SDK1: variants seen among roughly 807,000 people sequenced by gnomAD.
The protein encoded by SDK1 is protein sidekick-1.
SDK1 carries 157 observed loss-of-function variants against 245.5 expected under a neutral mutation model. The ratio of observed to expected loss-of-function variants is 0.64; its 90% CI spans 0.56 to 0.73. The LOEUF is 0.73. Ranked by LOEUF, SDK1 falls within the 30% of genes least tolerant of loss-of-function variation. The pLI is 0.00. For synonymous variants in SDK1, 1,647 were observed against 1,278.5 expected (o/e 1.29, Z -6.15); for missense variants, 3,583 against 3,002.3 (o/e 1.19, Z -4.52).
chr7:3,969,648 G>A (rs1333140018), intron 11 of SDK1, among the ~76,000 whole-genome samples: 1 of 152,176 alleles, frequency 6.6e-6, no homozygotes, highest in Non-Finnish European at 1.5e-5. Flanking sequence ...GGCATTGCAG[G>A]AGAGACGAAA....
chr7:3,401,690 T>C (rs2128573574), intron 1 of SDK1, among the ~76,000 whole-genome samples: 1 of 139,748 alleles, frequency 7.2e-6, no homozygotes, highest in Non-Finnish European at 1.6e-5. Flanking sequence ...CTGAGCCTTA[T>C]TTTTTTTTTT....
chr7:4,169,959 G>A (rs999733128), intron 32 of SDK1, among the ~76,000 whole-genome samples: 2 of 152,136 alleles, frequency 1.3e-5, no homozygotes, highest in Non-Finnish European at 2.9e-5. Context: ...ACTTCCTTGG[G>A]GCTCAGTACA....
At chr7:3,958,011 A>T (rs1310927040) in intron 7 of SDK1, 1 of 470,670 alleles carries the variant, frequency 2.1e-6, no homozygotes, top group Non-Finnish European at 4.4e-6. Context: ...TGAAATGCTT[A>T]GTTTTCATTT....
At chr7:4,257,831 T>A (rs1787724009) in intron 44 of SDK1, among the ~76,000 whole-genome samples, 1 of 152,214 alleles carries the variant, frequency 6.6e-6, no homozygotes, top group African/African-American at 2.4e-5. Context: ...CCCTTCCAGC[T>A]GCATTGTGAA....
At chr7:3,554,178 G>T in intron 1 of SDK1, among the ~76,000 whole-genome samples, 1 of 152,130 alleles carries the variant, frequency 6.6e-6, no homozygotes, top group East Asian at 1.9e-4. Flanking sequence ...GAATTCGTGG[G>T]ACATTCACCA....
At chr7:3,805,699 A>G (rs1779224039) in intron 4 of SDK1, among the ~76,000 whole-genome samples, 1 of 152,228 alleles carries the variant, frequency 6.6e-6, no homozygotes, top group Admixed American at 6.5e-5. Flanking sequence ...TAAGTGAATT[A>G]GTGAACAAAT....
chr7:3,815,964 T>A (rs1340841580), intron 4 of SDK1, among the ~76,000 whole-genome samples: 1 of 142,932 alleles, frequency 7.0e-6, no homozygotes, highest in East Asian at 1.9e-4. Context: ...CTCAACTACA[T>A]GGAAACTGAA....
chr7:3,359,019 G>T (rs747645240), intron 1 of SDK1, among the ~76,000 whole-genome samples: 18 of 152,118 alleles, frequency 1.2e-4, no homozygotes, highest in Non-Finnish European at 2.4e-4. Flanking sequence ...GAGTTATGCT[G>T]GTTTCCTCAG....
intron 4 of SDK1, among the ~76,000 whole-genome samples, chr7:3,727,990 A>T (rs928717756): frequency 6.6e-6 from 1 of 151,994 alleles, no homozygotes; most frequent in African/African-American, 2.4e-5. Context: ...CTCGTTCTTG[A>T]TGATCTTGAC....
intron 5 of SDK1, among the ~76,000 whole-genome samples, chr7:3,905,009 A>T (rs1387389162): frequency 6.6e-6 from 1 of 151,456 alleles, no homozygotes; most frequent in Non-Finnish European, 1.5e-5. Context: ...AAAAAAAAAA[A>T]TAATAATAAT....
At chr7:3,470,613 C>T (rs558410463) in intron 1 of SDK1, among the ~76,000 whole-genome samples, 52 of 152,094 alleles carry the variant, frequency 3.4e-4, no homozygotes, top group Admixed American at 5.9e-4. Flanking sequence ...ATGACTTTGG[C>T]AGTATGAAAG....
At chr7:3,680,406 T>G (rs1470904079) in intron 4 of SDK1, among the ~76,000 whole-genome samples, 1 of 152,120 alleles carries the variant, frequency 6.6e-6, no homozygotes, top group African/African-American at 2.4e-5. Context: ...GTAGTGATGG[T>G]TGTATAAATG....
At chr7:3,901,548 T>C (rs1422928982) in intron 5 of SDK1, among the ~76,000 whole-genome samples, 2 of 152,178 alleles carry the variant, frequency 1.3e-5, no homozygotes, top group African/African-American at 4.8e-5. Flanking sequence ...ACTTGTCCCA[T>C]TATTGATTAT....
intron 4 of SDK1, among the ~76,000 whole-genome samples, chr7:3,647,879 A>C (rs1010120059): frequency 6.6e-6 from 1 of 152,070 alleles, no homozygotes; most frequent in African/African-American, 2.4e-5. Flanking sequence ...GCAGAAGGGG[A>C]AAAAAAATGA....
chr7:4,066,342 A>G (rs1779897653), intron 19 of SDK1, among the ~76,000 whole-genome samples: 1 of 152,150 alleles, frequency 6.6e-6, no homozygotes, highest in African/African-American at 2.4e-5. Context: ...TGCTGCTGAG[A>G]TCAATGGATG....
At chr7:3,792,189 A>G (rs1781115954) in intron 4 of SDK1, among the ~76,000 whole-genome samples, 1 of 152,050 alleles carries the variant, frequency 6.6e-6, no homozygotes, top group Non-Finnish European at 1.5e-5. Flanking sequence ...GGCCTCTCAT[A>G]ACTGCCTGGC....
intron 25 of SDK1, among the ~76,000 whole-genome samples, chr7:4,120,877 A>G (rs548686870): frequency 8.6e-5 from 13 of 151,920 alleles, no homozygotes; most frequent in African/African-American, 2.9e-4. Context: ...TGGTTTCCCA[A>G]GGTGCTGGGA....
At chr7:3,903,503 A>G (rs1331760161) in intron 5 of SDK1, among the ~76,000 whole-genome samples, 2 of 151,830 alleles carry the variant, frequency 1.3e-5, no homozygotes, top group Non-Finnish European at 2.9e-5. Flanking sequence ...ATACATTTTA[A>G]CCCTTATACA....
chr7:3,328,774 G>T (rs935876363), intron 1 of SDK1, among the ~76,000 whole-genome samples: 2 of 152,034 alleles, frequency 1.3e-5, no homozygotes, highest in Non-Finnish European at 2.9e-5. Context: ...TCCTTTTAGT[G>T]ACTGAAGTAT....
Sources: allele counts gnomAD v4.1 joint callset (sites outside exome capture counted in the v4.1 genomes callset), GRCh38; gene constraint gnomAD v4.1.1; transcripts MANE v1.5; gene names NCBI Gene and HGNC (gene_info 2026-07-23, HGNC 2026-07-21).